The following IQGAP2 variants were observed in gnomAD, a reference collection of about 807,000 sequenced individuals.
IQGAP2 encodes IQ motif containing GTPase activating protein 2.
IQGAP2 carries 173 observed loss-of-function variants against 201.3 expected under a neutral mutation model. The observed-to-expected ratio is 0.86, with a 90% CI of 0.76 to 0.98. The LOEUF (loss-of-function observed/expected upper bound fraction) is 0.98. IQGAP2 is among the 50% of genes least tolerant of loss of function. The pLI, the probability that IQGAP2 is intolerant of heterozygous loss-of-function variation, is 0.00. For synonymous variants in IQGAP2, 675 were observed against 673.9 expected (o/e 1.00, Z -0.03); for missense variants, 1,687 against 1,864.8 (o/e 0.90, Z 1.76).
At chr5:76,639,626 C>T (rs1352277194) in intron 16 of IQGAP2, among the ~76,000 whole-genome samples, 1 of 152,124 alleles carries the variant, frequency 6.6e-6, no homozygotes, top group African/African-American at 2.4e-5. Flanking sequence ...AAAACAAGAA[C>T]ACATATCTTA....
intron 13 of IQGAP2, among the ~76,000 whole-genome samples, chr5:76,626,270 C>CTTTTTTTTTTTTTTTTTTTTTTTTTT (rs34251090): frequency 9.6e-5 from 8 of 83,654 alleles, no homozygotes; most frequent in Non-Finnish European, 1.0e-4. Context: ...TTCTTCTTTT[C>CTTTTTTTTTTTTTTTTTTTTTTTTTT]TTTTTTTTTT....
At chr5:76,423,944 T>C (rs1289529330) in intron 1 of IQGAP2, among the ~76,000 whole-genome samples, 2 of 152,234 alleles carry the variant, frequency 1.3e-5, no homozygotes, top group African/African-American at 2.4e-5. Flanking sequence ...GTTTACATTG[T>C]AGCACCTGTA....
At chr5:76,679,943 A>C (rs1052124798) in intron 28 of IQGAP2, among the ~76,000 whole-genome samples, 8 of 152,200 alleles carry the variant, frequency 5.3e-5, no homozygotes, top group Admixed American at 5.2e-4. Flanking sequence ...AATGAAAACA[A>C]AATAGTTGGA....
At chr5:76,477,585 G>A (rs908019890) in intron 2 of IQGAP2, among the ~76,000 whole-genome samples, 1 of 152,100 alleles carries the variant, frequency 6.6e-6, no homozygotes, top group Admixed American at 6.5e-5. Context: ...ACTTCATAAT[G>A]GTAATACTTA....
chr5:76,519,466 T>C (rs1291448744), intron 2 of IQGAP2, among the ~76,000 whole-genome samples: 1 of 152,246 alleles, frequency 6.6e-6, no homozygotes, highest in Admixed American at 6.5e-5. Flanking sequence ...ATGTTTTCAG[T>C]TATTGCTGAT....
chr5:76,679,339 G>A (rs1745088555), intron 28 of IQGAP2, among the ~76,000 whole-genome samples: 1 of 152,226 alleles, frequency 6.6e-6, no homozygotes, highest in African/African-American at 2.4e-5. Context: ...TCCTGGGAAA[G>A]AGAGCTTGTG....
intron 2 of IQGAP2, among the ~76,000 whole-genome samples, chr5:76,495,567 TC>T (rs1331878822): frequency 6.6e-6 from 1 of 152,158 alleles, no homozygotes; most frequent in Non-Finnish European, 1.5e-5. Flanking sequence ...GTGTGTTAAT[TC>T]ATTCTTGAGT....
chr5:76,469,304 G>A (rs756918095), intron 2 of IQGAP2, among the ~76,000 whole-genome samples: 4 of 152,128 alleles, frequency 2.6e-5, no homozygotes, highest in Admixed American at 6.5e-5. Flanking sequence ...GAAAGAGGAA[G>A]CCTGTGTATT....
intron 2 of IQGAP2, among the ~76,000 whole-genome samples, chr5:76,506,408 G>A (rs548251043): frequency 6.6e-6 from 1 of 152,280 alleles, no homozygotes; most frequent in African/African-American, 2.4e-5. Context: ...TTCCCTGAAA[G>A]CAGTGGCATG....
intron 27 of IQGAP2, among the ~76,000 whole-genome samples, chr5:76,675,012 A>G (rs576438898): frequency 6.6e-6 from 1 of 152,196 alleles, no homozygotes; most frequent in Non-Finnish European, 1.5e-5. Flanking sequence ...GGCTTCCAGT[A>G]CCTAGAATTT....
At chr5:76,695,922 C>A (rs1341292877) in intron 32 of IQGAP2, among the ~76,000 whole-genome samples, 1 of 141,108 alleles carries the variant, frequency 7.1e-6, no homozygotes, top group African/African-American at 2.7e-5. Context: ...CTCTCTGCAA[C>A]TTCCGCCTCC....
At chr5:76,469,320 G>A (rs1374578803) in intron 2 of IQGAP2, among the ~76,000 whole-genome samples, 1 of 152,112 alleles carries the variant, frequency 6.6e-6, no homozygotes, top group Admixed American at 6.5e-5. Flanking sequence ...GTATTAGGAG[G>A]ACTTAAGGCT....
intron 15 of IQGAP2, among the ~76,000 whole-genome samples, chr5:76,633,026 T>A (rs1020198310): frequency 2.6e-5 from 4 of 152,202 alleles, no homozygotes; most frequent in Non-Finnish European, 1.5e-5. Flanking sequence ...ATTACTGTAA[T>A]GTCCCCTGTC....
intron 3 of IQGAP2, among the ~76,000 whole-genome samples, chr5:76,570,069 G>A (rs1268053835): frequency 6.6e-6 from 1 of 152,162 alleles, no homozygotes; most frequent in Non-Finnish European, 1.5e-5. Flanking sequence ...TCTGAATTGT[G>A]GGATGGTTTT....
intron 2 of IQGAP2, among the ~76,000 whole-genome samples, chr5:76,530,991 A>T (rs1176391400): frequency 6.6e-6 from 1 of 152,232 alleles, no homozygotes; most frequent in Non-Finnish European, 1.5e-5. Context: ...TTGCTTAGTA[A>T]TTAGGACTGA....
At chr5:76,446,582 A>G (rs1036807165) in intron 1 of IQGAP2, among the ~76,000 whole-genome samples, 1 of 152,130 alleles carries the variant, frequency 6.6e-6, no homozygotes, top group Non-Finnish European at 1.5e-5. Flanking sequence ...TCTGTGTTTC[A>G]TCTAACCTCT....
chr5:76,588,924 A>G lies in IQGAP2; in HGVS notation c.477A>G (p.Leu159=), dbSNP rs1375919320. 2 of 1,606,708 alleles carry G rather than the reference A, an allele frequency of 1.2e-6. No individual in the cohort carries two copies. Among genetic ancestry groups the G allele is most frequent in the African/African-American group, 2.7e-5 (2 of 74,660 alleles). The change falls in exon 6 of 36, where the codon CTA becomes CTG. Residue 159 remains leucine (L), a synonymous_variant. Coordinates refer to ENST00000274364, the MANE Select transcript of IQGAP2 (RefSeq NM_006633.5). ...IHALSLYLFK[L]GIAPQIQDLL... ...CTTTCAGTTTGTATCTGTTCAAACT[A>G]GGAATAGCACCCCAGATCCAGGATT...
chr5:76,413,156 C>CTTTTTTTTTTTTTTTT (rs567410789), intron 1 of IQGAP2, among the ~76,000 whole-genome samples: 5 of 83,718 alleles, frequency 6.0e-5, no homozygotes, highest in Non-Finnish European at 8.7e-5. Flanking sequence ...TTTCTTTTCT[C>CTTTTTTTTTTTTTTTT]TTTTTTTTTT....
chr5:76,529,007 C>A (rs1759130288), intron 2 of IQGAP2, among the ~76,000 whole-genome samples: 1 of 152,164 alleles, frequency 6.6e-6, no homozygotes, highest in Non-Finnish European at 1.5e-5. Context: ...CAAGTTGTAA[C>A]TGGAGAAGAA....
Sources: allele counts gnomAD v4.1 joint callset (sites outside exome capture counted in the v4.1 genomes callset), GRCh38; gene constraint gnomAD v4.1.1; transcripts MANE v1.5; gene names NCBI Gene and HGNC (gene_info 2026-07-23, HGNC 2026-07-21).